The following AOPEP variants were observed in gnomAD, a reference collection of about 807,000 sequenced individuals.
The protein encoded by AOPEP is aminopeptidase O (putative), also known as aminopeptidase O.
In AOPEP, 77 loss-of-function variants were observed where a neutral mutation model predicts 98.1. The observed-to-expected ratio is 0.78, with a 90% confidence interval of 0.65 to 0.95. The LOEUF (loss-of-function observed/expected upper bound fraction) is 0.95, where lower values mean the gene tolerates loss of function less well. Among genes scored for constraint, AOPEP ranks in the 40% least tolerant of loss-of-function variants. The probability of loss-of-function intolerance (pLI) is 0.00; values close to 1 mark genes in which losing one functional copy is unlikely to be tolerated. For synonymous variants in AOPEP, 346 were observed against 365.3 expected (o/e 0.95, Z 0.60); for missense variants, 1,024 against 1,024.7 (o/e 1.00, Z 0.01).
At chr9:95,021,807 C>G (rs967107658) in intron 13 of AOPEP, 4 of 152,160 alleles carry the variant, frequency 2.6e-5, no homozygotes, top group Admixed American at 6.5e-5. Flanking sequence ...GAACTGCCCT[C>G]GTTTATGGAA....
At chr9:95,149,134 C>A in the AOPEP span, among the ~76,000 whole-genome samples, 2 of 151,414 alleles carry the variant, frequency 1.3e-5, no homozygotes, top group Admixed American at 6.6e-5. Flanking sequence ...TTTGTGTTAA[C>A]GTGTAATAAA....
chr9:94,785,476 T>C (rs1844227385), intron 3 of AOPEP, among the ~76,000 whole-genome samples: 1 of 152,028 alleles, frequency 6.6e-6, no homozygotes, highest in Non-Finnish European at 1.5e-5. Context: ...TAGGAGAAAG[T>C]GATGTAGGGG....
chr9:95,090,584 C>T (rs2070853370), downstream of AOPEP, among the ~76,000 whole-genome samples: 1 of 152,154 alleles, frequency 6.6e-6, no homozygotes. Context: ...CCACACCCTG[C>T]ACTTGGTCGC....
At chr9:94,865,371 TAA>T (rs1449320855) in intron 5 of AOPEP, among the ~76,000 whole-genome samples, 1 of 152,240 alleles carries the variant, frequency 6.6e-6, no homozygotes, top group Non-Finnish European at 1.5e-5. Flanking sequence ...AATTTGATGT[TAA>T]GTTTCTTCAC....
chr9:95,101,830 T>C, the AOPEP span: 2 of 1,614,022 alleles, frequency 1.2e-6, no homozygotes. Flanking sequence ...TCTCGTGAGT[T>C]ATCTCAGCAG....
At position 95,005,565 on chromosome 9, in the gene AOPEP, C is replaced by T. The variant is rs747090248; in HGVS notation, c.2064C>T (p.Asn688=). ...RAEVTKWIGV[N]RRPRKRKRRE... is the part of the protein sequence containing the mutation. The stretch of plus-strand genomic sequence containing the variant: ...AGGTCACGAAATGGATTGGAGTGAA[C>T]CGGAGACCCCGAAAACGGAAGCGCA... Residue 688 remains asparagine, a synonymous_variant, in exon 13 of 17, where the codon AAC becomes AAT. Coordinates refer to ENST00000375315, the MANE Select transcript of AOPEP (RefSeq NM_001193329.3). 8 of 1,613,726 alleles carry T rather than the reference C, an allele frequency of 5.0e-6. No individual in the cohort carries two copies. Among genetic ancestry groups the T allele is most frequent in the Non-Finnish European group, 6.8e-6 (8 of 1,179,950 alleles).
the AOPEP span, among the ~76,000 whole-genome samples, chr9:95,124,709 A>G: frequency 2.0e-5 from 3 of 152,164 alleles, no homozygotes; most frequent in African/African-American, 7.2e-5. Context: ...TATTCATCAC[A>G]TGCCATATAG....
chr9:95,006,042 AAG>A, intron 13 of AOPEP: 1 of 473,696 alleles, frequency 2.1e-6, no homozygotes, highest in Non-Finnish European at 4.4e-6. Flanking sequence ...GAGAAGAAGA[AAG>A]AAGTGGATTA....
At chr9:94,960,163 G>A (rs918724375) in intron 9 of AOPEP, among the ~76,000 whole-genome samples, 1 of 152,180 alleles carries the variant, frequency 6.6e-6, no homozygotes, top group South Asian at 2.1e-4. Flanking sequence ...TGTAATCCCA[G>A]CACTTTGGGA....
At chr9:94,769,452 A>G (rs1840365859) in intron 2 of AOPEP, among the ~76,000 whole-genome samples, 1 of 152,216 alleles carries the variant, frequency 6.6e-6, no homozygotes, top group East Asian at 1.9e-4. Flanking sequence ...GGCTGGGAGC[A>G]CAAAGATAAT....
intron 11 of AOPEP, among the ~76,000 whole-genome samples, chr9:94,989,770 C>T (rs757112021): frequency 2.6e-5 from 4 of 151,930 alleles, no homozygotes; most frequent in Non-Finnish European, 5.9e-5. Flanking sequence ...AGCCACCATA[C>T]TCGGCTAATT....
intron 7 of AOPEP, chr9:94,932,771 A>G: frequency 2.0e-6 from 2 of 984,898 alleles, no homozygotes; most frequent in Non-Finnish European, 2.4e-6. Flanking sequence ...GGCGTGAACC[A>G]CTGCGCCCAG....
chr9:94,957,648 A>G (rs1447655915), intron 9 of AOPEP, among the ~76,000 whole-genome samples: 5 of 152,232 alleles, frequency 3.3e-5, no homozygotes, highest in Admixed American at 3.3e-4. Flanking sequence ...AACCGTCATC[A>G]TTATCTAATT....
At chr9:94,753,338 A>G (rs540487924) in intron 1 of AOPEP, among the ~76,000 whole-genome samples, 1 of 152,232 alleles carries the variant, frequency 6.6e-6, no homozygotes, top group Non-Finnish European at 1.5e-5. Context: ...TTAACAAACA[A>G]TGTGATACTA....
intron 14 of AOPEP, among the ~76,000 whole-genome samples, chr9:95,073,605 C>T (rs1479196279): frequency 6.6e-6 from 1 of 152,096 alleles, no homozygotes; most frequent in Non-Finnish European, 1.5e-5. Flanking sequence ...ACCTGTAATG[C>T]CACCACTTTG....
intron 9 of AOPEP, among the ~76,000 whole-genome samples, chr9:94,965,768 C>G (rs932928363): frequency 1.5e-5 from 2 of 137,352 alleles, no homozygotes; most frequent in Admixed American, 7.1e-5. Flanking sequence ...GTCTGCAGTT[C>G]ACTGGGTGTC....
At chr9:94,863,255 G>C (rs7875215) in intron 5 of AOPEP, among the ~76,000 whole-genome samples, 2,228 of 142,812 alleles carry the variant, frequency 0.016, 56 homozygotes, top group African/African-American at 0.055. Flanking sequence ...TCCTCTCTCT[G>C]TTTCCCTCTT....
At chr9:95,034,096 G>T (rs963650107) in intron 13 of AOPEP, among the ~76,000 whole-genome samples, 1 of 152,182 alleles carries the variant, frequency 6.6e-6, no homozygotes, top group African/African-American at 2.4e-5. Context: ...TCCATTAGAG[G>T]TTTGGTTCTG....
chr9:94,733,353 C>T (rs900758109), intron 1 of AOPEP, among the ~76,000 whole-genome samples: 2 of 152,132 alleles, frequency 1.3e-5, no homozygotes, highest in African/African-American at 4.8e-5. Flanking sequence ...AGTGATCCAC[C>T]TGCCTTGACC....
Sources: allele counts gnomAD v4.1 joint callset (sites outside exome capture counted in the v4.1 genomes callset), GRCh38; gene constraint gnomAD v4.1.1; transcripts MANE v1.5; gene names NCBI Gene and HGNC (gene_info 2026-07-23, HGNC 2026-07-21).